The following TAFA1 variants were observed in gnomAD, a reference collection of about 807,000 sequenced individuals.
The protein encoded by TAFA1 is TAFA chemokine like family member 1, also known as chemokine-like protein TAFA-1.
In TAFA1, 4 loss-of-function variants were observed where a neutral mutation model predicts 18.5. The ratio of observed to expected loss-of-function variants is 0.22; its 90% CI spans 0.11 to 0.49. TAFA1 has a LOEUF of 0.49. Among genes scored for constraint, TAFA1 ranks in the 20% least tolerant of loss-of-function variants. The probability of loss-of-function intolerance (pLI) is 0.98; values close to 1 mark genes in which losing one functional copy is unlikely to be tolerated. For missense variants in TAFA1, 147 were observed against 169.0 expected, an observed-to-expected ratio of 0.87 and a Z score of 0.72; for synonymous variants, 56 against 55.2, an observed-to-expected ratio of 1.01 and a Z score of -0.06.
rs758966848 is a variant in TAFA1, at chr3:68,123,878, CAAAAAAAAAAAAAAAAAAAAAAAAAA to C, written c.118+117150_118+117175del. Among the ~76,000 whole-genome samples the C allele has an allele frequency of 1.2e-4, 9 of 72,128 alleles. No individual in the cohort carries two copies. In the East Asian group the frequency reaches 2.6e-3, roughly 21 times the overall value. 47.3% of individuals were successfully genotyped at this position (72,128 alleles called of 152,430 possible). On this transcript the variant is annotated intron_variant, in intron 2 of 4. Coordinates refer to ENST00000478136, the MANE Select transcript of TAFA1 (RefSeq NM_213609.4). ...TGACAAAGAACAACACTTTTTTTTCCAAAAAAAAAAAAAAAAAAAAAAAAAAAAAAAAAAAAAAAAAGCTTTCTTTT... is the reference window on the plus strand; with the variant it reads ...TGACAAAGAACAACACTTTTTTTTCCAAAAAAAAAAAAAAAGCTTTCTTTT...
At chr3:68,502,508 G>A (rs983539317) in intron 3 of TAFA1, among the ~76,000 whole-genome samples, 1 of 151,950 alleles carries the variant, frequency 6.6e-6, no homozygotes, top group African/African-American at 2.4e-5. Context: ...TATTTTTCTG[G>A]AAACACAGAT....
At chr3:68,208,546 G>A (rs976678511) in intron 2 of TAFA1, among the ~76,000 whole-genome samples, 3 of 151,914 alleles carry the variant, frequency 2.0e-5, no homozygotes, top group African/African-American at 7.2e-5. Flanking sequence ...TTCCATTAAG[G>A]GACTGGCTCT....
At chr3:68,521,685 T>G (rs1163933990) in intron 3 of TAFA1, among the ~76,000 whole-genome samples, 1 of 152,116 alleles carries the variant, frequency 6.6e-6, no homozygotes, top group African/African-American at 2.4e-5. Context: ...GCAAATGATT[T>G]TCTTGTATTT....
intron 2 of TAFA1, among the ~76,000 whole-genome samples, chr3:68,231,749 T>C (rs1368232013): frequency 2.0e-5 from 3 of 152,218 alleles, no homozygotes; most frequent in African/African-American, 7.2e-5. Flanking sequence ...TTAATGACTT[T>C]TAATAAATTT....
intron 2 of TAFA1, among the ~76,000 whole-genome samples, chr3:68,270,747 G>A (rs893591949): frequency 6.6e-5 from 10 of 152,116 alleles, no homozygotes; most frequent in Admixed American, 2.0e-4. Flanking sequence ...TTTCTAGAGG[G>A]TGTGCCTGAC....
chr3:68,334,633 C>T (rs1295147800), intron 2 of TAFA1, among the ~76,000 whole-genome samples: 1 of 152,074 alleles, frequency 6.6e-6, no homozygotes, highest in African/African-American at 2.4e-5. Context: ...TGAACTGATA[C>T]CAGTGCTGCT....
At chr3:68,146,270 G>A (rs140191087) in intron 2 of TAFA1, among the ~76,000 whole-genome samples, 3 of 152,326 alleles carry the variant, frequency 2.0e-5, no homozygotes, top group Admixed American at 1.3e-4. Context: ...GCTCCCAGGG[G>A]TTCTGTTGAG....
chr3:68,242,735 T>C (rs2067015642), intron 2 of TAFA1, among the ~76,000 whole-genome samples: 1 of 152,184 alleles, frequency 6.6e-6, no homozygotes, highest in African/African-American at 2.4e-5. Flanking sequence ...AACTGTCATT[T>C]TGATGTAGAC....
At chr3:68,031,818 T>A (rs569253854) in intron 2 of TAFA1, among the ~76,000 whole-genome samples, 129 of 152,302 alleles carry the variant, frequency 8.5e-4, no homozygotes, top group Middle Eastern at 3.4e-3. Flanking sequence ...TCTTCTATTA[T>A]TTTTTCCGTG....
intron 2 of TAFA1, among the ~76,000 whole-genome samples, chr3:68,077,579 T>C (rs1246064094): frequency 6.6e-6 from 1 of 151,548 alleles, no homozygotes; most frequent in Non-Finnish European, 1.5e-5. Flanking sequence ...CTTTCCCCAT[T>C]GCTTGTTTTT....
chr3:68,447,642 A>C (rs567522497), intron 3 of TAFA1, among the ~76,000 whole-genome samples: 1 of 152,186 alleles, frequency 6.6e-6, no homozygotes, highest in African/African-American at 2.4e-5. Context: ...AAAAATATAC[A>C]TTTGCACAGA....
chr3:68,503,598 CT>C lies in TAFA1; in HGVS notation c.260-35156del, dbSNP rs370413114. On this transcript the variant is annotated intron_variant, in intron 3 of 4. Coordinates refer to ENST00000478136, the MANE Select transcript of TAFA1 (RefSeq NM_213609.4). ...GATCCTGAAAATGTTCTGGAATTAACTTGTGGCAATGACTTGACATTGTGAA... is the reference window on the plus strand; with the variant it reads ...GATCCTGAAAATGTTCTGGAATTAACTGTGGCAATGACTTGACATTGTGAA... Among the ~76,000 whole-genome samples the C allele has an allele frequency of 2.8e-3, 423 of 152,262 alleles. 5 individuals carry two copies. Among genetic ancestry groups the C allele is most frequent in the African/African-American group, 9.8e-3 (409 of 41,544 alleles).
At chr3:68,333,113 A>C (rs2068910075) in intron 2 of TAFA1, among the ~76,000 whole-genome samples, 1 of 152,218 alleles carries the variant, frequency 6.6e-6, no homozygotes, top group African/African-American at 2.4e-5. Context: ...AAAGAACTTA[A>C]AACAGAATTA....
intron 2 of TAFA1, among the ~76,000 whole-genome samples, chr3:68,337,904 A>G (rs1450465231): frequency 1.3e-5 from 2 of 152,188 alleles, no homozygotes; most frequent in Non-Finnish European, 2.9e-5. Context: ...CATGCCTGAG[A>G]CATTGAGTCC....
chr3:68,269,780 G>A (rs531534717), intron 2 of TAFA1, among the ~76,000 whole-genome samples: 1 of 152,146 alleles, frequency 6.6e-6, no homozygotes, highest in East Asian at 1.9e-4. Context: ...TTAAAAACAG[G>A]TAACATTTTT....
At chr3:68,363,649 A>C (rs1331494007) in intron 2 of TAFA1, among the ~76,000 whole-genome samples, 2 of 152,186 alleles carry the variant, frequency 1.3e-5, no homozygotes, top group Non-Finnish European at 2.9e-5. Flanking sequence ...TAAATAAGAA[A>C]AACTTTTGCA....
At chr3:68,214,951 T>C (rs1238511230) in intron 2 of TAFA1, among the ~76,000 whole-genome samples, 1 of 152,064 alleles carries the variant, frequency 6.6e-6, no homozygotes, top group East Asian at 1.9e-4. Context: ...AAGTTGCACT[T>C]TTGCTTAGAG....
Position 68,250,022 on chromosome 3 carries a change from C to T in TAFA1, c.119-167258C>T, listed in dbSNP as rs569993759. Among the ~76,000 whole-genome samples the T allele has an allele frequency of 1.3e-4, 20 of 152,244 alleles. No homozygotes were observed. In the South Asian group the frequency reaches 1.5e-3, roughly 11 times the overall value. ...CCTTCAGCTTTTTCTATCTCCCAAA[C>T]GTATATTGAGACTAATTTATTAATG... On this transcript the variant is annotated intron_variant, in intron 2 of 4. Transcript: ENST00000478136.
chr3:68,329,989 A>T (rs1004574037), intron 2 of TAFA1, among the ~76,000 whole-genome samples: 5 of 137,356 alleles, frequency 3.6e-5, no homozygotes, highest in Non-Finnish European at 6.4e-5. Flanking sequence ...TACACATTGG[A>T]TACACACATA....
Sources: allele counts gnomAD v4.1 joint callset (sites outside exome capture counted in the v4.1 genomes callset), GRCh38; gene constraint gnomAD v4.1.1; transcripts MANE v1.5; gene names NCBI Gene and HGNC (gene_info 2026-07-23, HGNC 2026-07-21).